The following CCDC30 variants were observed in gnomAD, a reference collection of about 807,000 sequenced individuals.
The protein encoded by CCDC30 is coiled-coil domain-containing protein 30.
CCDC30 carries 70 observed loss-of-function variants against 100.2 expected under a neutral mutation model. The ratio of observed to expected loss-of-function variants is 0.70; its 90% CI spans 0.58 to 0.85. The LOEUF is 0.85. Among genes scored for constraint, CCDC30 ranks in the 40% least tolerant of loss-of-function variants. The pLI, the probability that CCDC30 is intolerant of heterozygous loss-of-function variation, is 0.00. For missense variants in CCDC30, 652 were observed against 771.2 expected (o/e 0.85, Z 1.83); for synonymous variants, 233 against 269.5 (o/e 0.86, Z 1.33).
In CCDC30 at chr1:42,589,433, C is replaced by T. The variant is rs761544035; in HGVS notation, c.1114C>T (p.Gln372Ter). 3 of 1,613,880 alleles carry T rather than the reference C, an allele frequency of 1.9e-6. No individual in the cohort carries two copies. The highest frequency in any genetic ancestry group is 1.7e-6 in the Non-Finnish European group (2 of 1,179,878). Residue 372 changes from glutamine (Q) to a stop codon, truncating the protein, a stop_gained, in exon 10 of 17, where the codon CAA becomes TAA. Coordinates refer to ENST00000668663, the Ensembl canonical transcript of CCDC30. LOFTEE classifies it high-confidence loss of function. ...TCAGCAACAATCCAGAATTCAGCAA[C>T]AAGAGGCCCTACTTAAACAACTGGA... is the stretch of plus-strand genomic sequence containing the variant.
Position 42,554,853 on chromosome 1 carries a change from C to T in CCDC30, c.457-11443C>T, listed in dbSNP as rs1645335632. ...TTCTGTCTAGGATGATCTGCCTCCTCTTACTTTCCCCTTTCTCCCTGGTTC... is the reference window on the plus strand; with the variant it reads ...TTCTGTCTAGGATGATCTGCCTCCTTTTACTTTCCCCTTTCTCCCTGGTTC... On this transcript the variant is annotated intron_variant, in intron 6 of 16. Transcript: ENST00000668663. 2.0e-5 allele frequency among the ~76,000 whole-genome samples: 3 copies of T among 152,038 alleles called. No homozygotes were observed. The South Asian group carries it at 6.2e-4, about 32-fold the overall frequency.
At chr1:42,505,439 T>C (rs1243870857) in intron 6 of CCDC30, among the ~76,000 whole-genome samples, 2 of 152,164 alleles carry the variant, frequency 1.3e-5, no homozygotes, top group Admixed American at 1.3e-4. Context: ...AAATAACCAA[T>C]GAAACTAGAA....
intron 4 of CCDC30, chr1:42,492,015 GA>G (rs1380502474): frequency 2.6e-5 from 16 of 605,348 alleles, no homozygotes; most frequent in East Asian, 6.0e-5. Context: ...AGATGTTCAG[GA>G]AAAAAACTAA....
chr1:42,553,635 G>C (rs1331057495), intron 6 of CCDC30, among the ~76,000 whole-genome samples: 1 of 143,976 alleles, frequency 6.9e-6, no homozygotes, highest in African/African-American at 2.6e-5. Context: ...TAGCCTGGGT[G>C]ACAAGGTGAG....
intron 6 of CCDC30, among the ~76,000 whole-genome samples, chr1:42,521,587 T>G (rs898415273): frequency 6.6e-6 from 1 of 152,192 alleles, no homozygotes; most frequent in African/African-American, 2.4e-5. Context: ...CTTATTGTGT[T>G]GTTCAAGTCC....
chr1:42,653,181 A>G (rs920465617), intron 15 of CCDC30, among the ~76,000 whole-genome samples, 195 bp from the exon 20 acceptor site: 1 of 152,166 alleles, frequency 6.6e-6, no homozygotes, highest in African/African-American at 2.4e-5. Flanking sequence ...TAGATCGTCT[A>G]TAGATAAATA....
At chr1:42,578,483 T>C (rs1422258247) in intron 8 of CCDC30, among the ~76,000 whole-genome samples, 1 of 152,212 alleles carries the variant, frequency 6.6e-6, no homozygotes, top group African/African-American at 2.4e-5. Context: ...ATGTATGTTA[T>C]TCACCATATG....
chr1:42,554,498 G>A (rs1364385408), intron 6 of CCDC30, among the ~76,000 whole-genome samples: 3 of 151,982 alleles, frequency 2.0e-5, no homozygotes, highest in East Asian at 1.9e-4. Flanking sequence ...GGCTGGTCTC[G>A]AACTCCTGAC....
At chr1:42,620,349 G>C (rs1646807115) in intron 11 of CCDC30, among the ~76,000 whole-genome samples, 1 of 152,088 alleles carries the variant, frequency 6.6e-6, no homozygotes, top group African/African-American at 2.4e-5. Context: ...GTTTTGACCT[G>C]TGTAATAAAC....
intron 1 of CCDC30, among the ~76,000 whole-genome samples, chr1:42,472,311 G>T (rs1298944540): frequency 6.6e-6 from 1 of 152,042 alleles, no homozygotes; most frequent in Non-Finnish European, 1.5e-5. Context: ...TCGATCAGCA[G>T]ATATTTATCT....
At chr1:42,478,026 A>G (rs1161763188) in intron 1 of CCDC30, among the ~76,000 whole-genome samples, 3 of 152,214 alleles carry the variant, frequency 2.0e-5, no homozygotes, top group Admixed American at 6.5e-5. Flanking sequence ...CGTATGCTAA[A>G]CTAAGGCATT....
chr1:42,603,587 C>A (rs1437073808), intron 10 of CCDC30, among the ~76,000 whole-genome samples: 1 of 152,188 alleles, frequency 6.6e-6, no homozygotes, highest in Non-Finnish European at 1.5e-5. Context: ...TACTACATAC[C>A]TATTAGAATG....
At chr1:42,548,840 A>T (rs1488118993) in intron 6 of CCDC30, among the ~76,000 whole-genome samples, 1 of 152,200 alleles carries the variant, frequency 6.6e-6, no homozygotes, top group Non-Finnish European at 1.5e-5. Flanking sequence ...ATTGAAGTGA[A>T]GTAGCAAGTG....
chr1:42,584,299 T>A (rs976477761), intron 9 of CCDC30, among the ~76,000 whole-genome samples: 3 of 152,138 alleles, frequency 2.0e-5, no homozygotes, highest in African/African-American at 4.8e-5. Context: ...TTCTATTTAG[T>A]TTAAATTAGG....
Position 42,563,486 on chromosome 1 carries a change from G to A in CCDC30, c.457-2810G>A, listed in dbSNP as rs545441949. Among the ~76,000 whole-genome samples, 340 of 152,074 alleles carry A rather than the reference G, an allele frequency of 2.2e-3. 2 individuals carry two copies. Among genetic ancestry groups the A allele is most frequent in the Non-Finnish European group, 4.4e-3 (298 of 67,904 alleles). ...AGGGGGTGAGGGGAGGGAACTTAGA[G>A]GATGGGTCAATACGTGCAGCAAGCC... On this transcript the variant is annotated intron_variant, in intron 6 of 16. Transcript: ENST00000668663.
At chr1:42,584,377 G>A (rs1039544666) in intron 9 of CCDC30, among the ~76,000 whole-genome samples, 2 of 152,096 alleles carry the variant, frequency 1.3e-5, no homozygotes, top group Non-Finnish European at 2.9e-5. Context: ...GATCACTTGA[G>A]GTCAGAAGTT....
chr1:42,569,764 G>A (rs1400228058), intron 7 of CCDC30, among the ~76,000 whole-genome samples: 1 of 152,150 alleles, frequency 6.6e-6, no homozygotes, highest in African/African-American at 2.4e-5. Flanking sequence ...AAGAAAATGT[G>A]GCACATATAC....
downstream of CCDC30, among the ~76,000 whole-genome samples, chr1:42,655,158 A>C (rs1272769873): frequency 6.6e-6 from 1 of 152,220 alleles, no homozygotes; most frequent in African/African-American, 2.4e-5. Context: ...TCGCCATATG[A>C]TATTCAATCA....
At chr1:42,604,371 G>A (rs556788119) in intron 10 of CCDC30, among the ~76,000 whole-genome samples, 1 of 152,162 alleles carries the variant, frequency 6.6e-6, no homozygotes, top group Non-Finnish European at 1.5e-5. Context: ...CAAGCACTTG[G>A]CCTTTTCTTC....
Sources: gnomAD v4.1 joint callset for allele counts (sites outside exome capture counted in the v4.1 genomes callset) on GRCh38, gnomAD v4.1.1 for gene constraint, MANE v1.5 for transcripts, NCBI Gene and HGNC (gene_info 2026-07-23, HGNC 2026-07-21) for gene names.